The following LDB2 variants were observed in gnomAD, a reference collection of about 807,000 sequenced individuals.
The protein encoded by LDB2 is LIM domain binding 2, also known as LIM domain-binding protein 2.
LDB2 carries 12 observed loss-of-function variants against 44.3 expected under a neutral mutation model. The ratio of observed to expected loss-of-function variants is 0.27; its 90% CI spans 0.17 to 0.44. LDB2 has a LOEUF of 0.44. LDB2 is among the 20% of genes least tolerant of loss of function. LDB2 has a pLI of 1.00. For missense variants in LDB2, 344 were observed against 473.5 expected, an observed-to-expected ratio of 0.73 and a Z score of 2.54; for synonymous variants, 164 against 174.8, an observed-to-expected ratio of 0.94 and a Z score of 0.49.
At chr4:16,658,208 T>G (rs990720708) in intron 2 of LDB2, among the ~76,000 whole-genome samples, 1 of 152,194 alleles carries the variant, frequency 6.6e-6, no homozygotes, top group Non-Finnish European at 1.5e-5. Flanking sequence ...GGGCTGTATC[T>G]TATTAAGTTT....
chr4:16,504,396 T>C (rs1207052532), intron 7 of LDB2, among the ~76,000 whole-genome samples: 2 of 152,220 alleles, frequency 1.3e-5, no homozygotes, highest in Non-Finnish European at 1.5e-5. Context: ...CCAAACTATG[T>C]TTTCTGACTA....
intron 1 of LDB2, among the ~76,000 whole-genome samples, chr4:16,795,220 G>T (rs76320621): frequency 2.6e-5 from 4 of 152,336 alleles, no homozygotes; most frequent in Non-Finnish European, 5.9e-5. Flanking sequence ...GCTGTGAAGA[G>T]AGAGCCTGGG....
intron 1 of LDB2, among the ~76,000 whole-genome samples, chr4:16,780,723 T>C (rs1373665398): frequency 6.6e-6 from 1 of 152,324 alleles, no homozygotes; most frequent in East Asian, 1.9e-4. Flanking sequence ...TCAATTTTTT[T>C]TTTTTTTGTA....
intron 1 of LDB2, among the ~76,000 whole-genome samples, chr4:16,785,116 C>T (rs1038143234): frequency 4.6e-5 from 7 of 151,678 alleles, no homozygotes; most frequent in African/African-American, 2.4e-5. Flanking sequence ...TTAATAATCC[C>T]AATTTTGTAA....
intron 7 of LDB2, 156 bp from the exon 8 acceptor site, chr4:16,503,029 G>C (rs1717930178): frequency 1.3e-6 from 2 of 1,555,464 alleles, no homozygotes; most frequent in Non-Finnish European, 1.7e-6. Flanking sequence ...ACGCATATTT[G>C]ATTTCTACAG....
intron 1 of LDB2, among the ~76,000 whole-genome samples, chr4:16,817,114 G>C (rs917552916): frequency 1.6e-4 from 24 of 152,144 alleles, no homozygotes; most frequent in African/African-American, 4.8e-4. Context: ...GGCATGTAAC[G>C]CACTCTTAGT....
intron 2 of LDB2, among the ~76,000 whole-genome samples, chr4:16,705,913 CA>C (rs1754501708): frequency 6.6e-6 from 1 of 152,110 alleles, no homozygotes. Flanking sequence ...ATGATATCCA[CA>C]AAATACATAT....
At chr4:16,891,301 A>ATT (rs1276936562) in intron 1 of LDB2, among the ~76,000 whole-genome samples, 113 of 117,362 alleles carry the variant, frequency 9.6e-4, no homozygotes, top group Non-Finnish European at 1.5e-3. Flanking sequence ...AATCTTAAGT[A>ATT]TTCTTTTTTT....
intron 5 of LDB2, among the ~76,000 whole-genome samples, chr4:16,521,988 T>C (rs1348714433): frequency 2.0e-5 from 3 of 152,056 alleles, no homozygotes; most frequent in Non-Finnish European, 4.4e-5. Context: ...TCCAGCTACT[T>C]AATAAGGGGG....
At chr4:16,573,233 A>G (rs889013806) in intron 5 of LDB2, among the ~76,000 whole-genome samples, 2 of 152,216 alleles carry the variant, frequency 1.3e-5, no homozygotes, top group African/African-American at 4.8e-5. Flanking sequence ...AACTAATGGT[A>G]TTATGATAAT....
At chr4:16,807,356 C>T (rs574455480) in intron 1 of LDB2, among the ~76,000 whole-genome samples, 12 of 152,060 alleles carry the variant, frequency 7.9e-5, no homozygotes, top group Non-Finnish European at 1.6e-4. Flanking sequence ...ATTCTTCTAA[C>T]CAGGAATAAT....
At chr4:16,610,506 A>G (rs149470171) in intron 2 of LDB2, among the ~76,000 whole-genome samples, 1 of 152,246 alleles carries the variant, frequency 6.6e-6, no homozygotes, top group Non-Finnish European at 1.5e-5. Context: ...TAACCAGTTT[A>G]GAGAGGAACA....
At chr4:16,693,729 A>G (rs1458801846) in intron 2 of LDB2, among the ~76,000 whole-genome samples, 1 of 152,234 alleles carries the variant, frequency 6.6e-6, no homozygotes, top group Non-Finnish European at 1.5e-5. Flanking sequence ...AAACTGTGCC[A>G]TGAGGCATCC....
intron 2 of LDB2, among the ~76,000 whole-genome samples, chr4:16,705,414 G>T (rs1298772041): frequency 6.6e-6 from 1 of 152,138 alleles, no homozygotes; most frequent in South Asian, 2.1e-4. Context: ...CCTGTTCTGA[G>T]CTGATGTCTC....
intron 1 of LDB2, among the ~76,000 whole-genome samples, chr4:16,835,104 T>G (rs943877915): frequency 1.3e-5 from 2 of 152,210 alleles, no homozygotes; most frequent in Admixed American, 1.3e-4. Context: ...TACAGACATA[T>G]CTTACATTCA....
At chr4:16,514,251 T>C (rs140033584) in intron 5 of LDB2, among the ~76,000 whole-genome samples, 78 of 152,344 alleles carry the variant, frequency 5.1e-4, no homozygotes, top group African/African-American at 1.8e-3. Flanking sequence ...AATAAATATG[T>C]TATACTTTTC....
intron 5 of LDB2, among the ~76,000 whole-genome samples, chr4:16,568,167 GTGA>G (rs1285190687): frequency 6.6e-6 from 1 of 152,090 alleles, no homozygotes; most frequent in Non-Finnish European, 1.5e-5. Context: ...AGACTGTAAG[GTGA>G]TGGTGACAAT....
intron 1 of LDB2, among the ~76,000 whole-genome samples, chr4:16,881,583 C>T (rs939587675): frequency 6.4e-5 from 9 of 141,140 alleles, no homozygotes; most frequent in South Asian, 2.3e-4. Flanking sequence ...TACTGTCATT[C>T]GGGGAGGGGA....
chr4:16,717,075 G>T (rs1757204954), intron 2 of LDB2, among the ~76,000 whole-genome samples: 1 of 151,742 alleles, frequency 6.6e-6, no homozygotes, highest in Non-Finnish European at 1.5e-5. Context: ...TAGATGGTTA[G>T]GTTAGCACAG....
Sources: gnomAD v4.1 joint callset for allele counts (sites outside exome capture counted in the v4.1 genomes callset) on GRCh38, gnomAD v4.1.1 for gene constraint, MANE v1.5 for transcripts, NCBI Gene and HGNC (gene_info 2026-07-23, HGNC 2026-07-21) for gene names.